OR7A17: variants seen among roughly 807,000 people sequenced by gnomAD.
The protein encoded by OR7A17 is olfactory receptor 7A17.
For synonymous variants in OR7A17, 159 were observed against 142.1 expected, an observed-to-expected ratio of 1.12 and a Z score of -0.85; for missense variants, 366 against 365.5, an observed-to-expected ratio of 1.00 and a Z score of -0.01.
At chr19:14,885,013 C>G (rs1440268201) in intron 1 of OR7A17, among the ~76,000 whole-genome samples, 1 of 152,148 alleles carries the variant, frequency 6.6e-6, no homozygotes, top group Admixed American at 6.5e-5. Context: ...TAAATAGAAC[C>G]AATGACAAAA....
chr19:14,882,813 A>G (rs1266851260), intron 1 of OR7A17, among the ~76,000 whole-genome samples: 1 of 149,410 alleles, frequency 6.7e-6, no homozygotes, highest in South Asian at 2.1e-4. Context: ...GCGCGCACGC[A>G]CACACACACA....
rs1475629748 is a variant in OR7A17, at chr19:14,881,756, A to C, written c.-197+18T>G. 6.6e-6 allele frequency: 1 copy of C among 152,560 alleles called. No individual in the cohort carries two copies. The highest frequency in any genetic ancestry group is 1.5e-5 in the Non-Finnish European group (1 of 68,310). The allele number at this position is 152,560 out of a possible 1,614,324, so 9.5% of individuals were successfully genotyped here. ...CATTGTGGATTGGCTAAATCTAGCC[A>C]ATTAACATTAGTATTACCTCATATA... is the stretch of plus-strand genomic sequence containing the variant. On this transcript the variant is annotated intron_variant, in intron 2 of 2. Coordinates refer to ENST00000641113, the MANE Select transcript of OR7A17 (RefSeq NM_030901.2).
chr19:14,881,068 G>T lies in OR7A17; in HGVS notation c.288C>A (p.Gly96=). The change falls in exon 3 of 3, where the codon GGC becomes GGA. Residue 96 remains glycine (G), a synonymous_variant. Coordinates refer to ENST00000641113, the MANE Select transcript of OR7A17 (RefSeq NM_030901.2). ...QTQSRVITYA[G]CITQMCFFVL... ...CAAAAAAGCACATCTGGGTGATGCA[G>T]CCTGCATAGGTGATGACTCTGCTCT... 6.2e-7 allele frequency: 1 copy of T among 1,614,208 alleles called. No homozygotes were observed. The highest frequency in any genetic ancestry group is 8.5e-7 in the Non-Finnish European group (1 of 1,180,040).
chr19:14,878,390 C>A lies in OR7A17; in HGVS notation c.*2036G>T, dbSNP rs1028051534. On this transcript the variant is annotated 3_prime_UTR_variant, in exon 3 of 3. Transcript: ENST00000641113. Reference sequence around the variant, plus strand: ...GAAGAGAGTTAGAGTATAAAAGAGACAAATGAACTGATGATAAGTTAAATA... The same window carrying A: ...GAAGAGAGTTAGAGTATAAAAGAGAAAAATGAACTGATGATAAGTTAAATA... 6.6e-6 allele frequency: 1 copy of A among 152,138 alleles called. No homozygotes were observed. The highest frequency in any genetic ancestry group is 2.4e-5 in the African/African-American group (1 of 41,408). 9.4% of individuals were successfully genotyped at this position (152,138 alleles called of 1,614,324 possible). A position where few individuals can be genotyped will look rare whatever the true frequency, so the allele number is the denominator to read the frequency against.
chr19:14,880,709 C>T lies in OR7A17; in HGVS notation c.647G>A (p.Cys216Tyr), dbSNP rs775652407. 1 of 1,614,212 alleles carries T rather than the reference C, an allele frequency of 6.2e-7. No individual in the cohort carries two copies. The highest frequency in any genetic ancestry group is 2.2e-5 in the East Asian group (1 of 44,884). Residue 216 changes from cysteine (C) to tyrosine (Y), a missense_variant, in exon 3 of 3, where the codon TGC becomes TAC. By Grantham distance (194) the Cys-to-Tyr change is radical. Transcript: ENST00000641113. ...GGAGGAAACTATCTTAGAGTAAGAG[C>T]AAAGGATCCCCACAAGGGGACCACC... Reference protein sequence around the residue: ...LAGGPLVGILCSYSKIVSSIR... With the variant: ...LAGGPLVGILYSYSKIVSSIR...
intron 1 of OR7A17, chr19:14,884,666 C>G (rs761666572): frequency 6.6e-6 from 1 of 152,118 alleles, no homozygotes; most frequent in African/African-American, 2.4e-5. Context: ...CAGGACCAGT[C>G]AGTTTCACAG....
intron 1 of OR7A17, among the ~76,000 whole-genome samples, chr19:14,883,399 C>G (rs544818487): frequency 1.3e-5 from 2 of 151,676 alleles, no homozygotes; most frequent in Admixed American, 1.3e-4. Context: ...GAGATTGTGC[C>G]ATTGCACTCC....
At chr19:14,883,961 A>T (rs901155689) in intron 1 of OR7A17, among the ~76,000 whole-genome samples, 4 of 152,246 alleles carry the variant, frequency 2.6e-5, no homozygotes, top group African/African-American at 9.6e-5. Flanking sequence ...GTCCTAGTAT[A>T]TATGGGTATT....
At position 14,879,078 on chromosome 19, in the gene OR7A17, T is replaced by C. The variant is rs2045093176; in HGVS notation, c.*1348A>G. ...GATGTTTTGATACAGGCATGCGTTA[T>C]ATAATAATCACATCATGGTGAATGG... On this transcript the variant is annotated 3_prime_UTR_variant, in exon 3 of 3. Transcript: ENST00000641113. 1 of 152,160 alleles carries C rather than the reference T, an allele frequency of 6.6e-6. No individual in the cohort carries two copies. Among genetic ancestry groups the C allele is most frequent in the African/African-American group, 2.4e-5 (1 of 41,434 alleles). 9.4% of individuals were successfully genotyped at this position (152,160 alleles called of 1,614,324 possible).
At chr19:14,885,674 A>G (rs1346614935) in intron 1 of OR7A17, among the ~76,000 whole-genome samples, 3 of 138,416 alleles carry the variant, frequency 2.2e-5, no homozygotes, top group Non-Finnish European at 4.8e-5. Context: ...GGAAGAATCA[A>G]TATCTTGAAA....
rs1481587783 is a variant in OR7A17, at chr19:14,878,363, T to C, written c.*2063A>G. 6.6e-6 allele frequency: 1 copy of C among 152,146 alleles called. No homozygotes were observed. Among genetic ancestry groups the C allele is most frequent in the Non-Finnish European group, 1.5e-5 (1 of 68,014 alleles). The allele number at this position is 152,146 out of a possible 1,614,324, so 9.4% of individuals were successfully genotyped here. On this transcript the variant is annotated 3_prime_UTR_variant, in exon 3 of 3. Coordinates refer to ENST00000641113, the MANE Select transcript of OR7A17 (RefSeq NM_030901.2). ...GTGAGTCATCATTTGATTATAAGGG[T>C]TGAAGAGAGTTAGAGTATAAAAGAG...
chr19:14,881,447 T>C lies in OR7A17; in HGVS notation c.-92A>G. On this transcript the variant is annotated 5_prime_UTR_variant, in exon 3 of 3. Transcript: ENST00000641113. ...TCTCACTCTGTTGCCAACGCTGGTC[T>C]GAACCTCCTGGACTCATGCGATCCT... 1.2e-6 allele frequency: 1 copy of C among 850,890 alleles called. No homozygotes were observed. The highest frequency in any genetic ancestry group is 4.9e-5 in the South Asian group (1 of 20,216). The allele number at this position is 850,890 out of a possible 1,614,324, so 52.7% of individuals were successfully genotyped here.
rs1314116980 is a variant in OR7A17, at chr19:14,886,099, A to G, written c.-453T>C. On this transcript the variant is annotated 5_prime_UTR_variant, in exon 1 of 3. Coordinates refer to ENST00000641113, the MANE Select transcript of OR7A17 (RefSeq NM_030901.2). The stretch of plus-strand genomic sequence containing the variant: ...CAGACTAAGGACTCCAAATGAAACC[A>G]CCATGTCATTTCCAGCCCAAGGTTG... 6.6e-6 allele frequency: 1 copy of G among 152,192 alleles called. No homozygotes were observed. The highest frequency in any genetic ancestry group is 1.5e-5 in the Non-Finnish European group (1 of 68,038). The allele number at this position is 152,192 out of a possible 1,614,324, so 9.4% of individuals were successfully genotyped here.
rs554229103 is a variant in OR7A17, at chr19:14,878,686, A to AT, written c.*1739dup. 0.015 allele frequency: 2,301 copies of AT among 148,528 alleles called. 51 individuals carry two copies. Among genetic ancestry groups the AT allele is most frequent in the African/African-American group, 0.051 (2,086 of 40,740 alleles). 9.2% of individuals were successfully genotyped at this position (148,528 alleles called of 1,614,324 possible). On this transcript the variant is annotated 3_prime_UTR_variant, in exon 3 of 3. Coordinates refer to ENST00000641113, the MANE Select transcript of OR7A17 (RefSeq NM_030901.2). ...CCCAATGCAATTCAATGTATGACTG[A>AT]TTTTTTTTTTTGAGATGGAGTCTCT...
chr19:14,882,704 C>T (rs535650471), intron 1 of OR7A17, among the ~76,000 whole-genome samples: 5 of 152,264 alleles, frequency 3.3e-5, no homozygotes, highest in Admixed American at 6.5e-5. Flanking sequence ...TTTTTCCCGC[C>T]GTGTCTTTGA....
At chr19:14,882,447 T>C (rs2045117009) in intron 1 of OR7A17, among the ~76,000 whole-genome samples, 1 of 152,168 alleles carries the variant, frequency 6.6e-6, no homozygotes, top group African/African-American at 2.4e-5. Context: ...GAAGGAAGGC[T>C]CAGTGGAAGA....
chr19:14,881,095 T>G lies in OR7A17; in HGVS notation c.261A>C (p.Thr87=), dbSNP rs1288767445. The G allele has an allele frequency of 1.2e-6, 2 of 1,614,176 alleles. No individual in the cohort carries two copies. The highest frequency in any genetic ancestry group is 1.7e-5 in the Admixed American group (1 of 60,016). ...TIPKMLINIQ[T]QSRVITYAGC... ...CTGCATAGGTGATGACTCTGCTCTG[T>G]GTCTGGATGTTAATGAGCATCTTTG... The change falls in exon 3 of 3, where the codon ACA becomes ACC. Residue 87 remains threonine, a synonymous_variant. Transcript: ENST00000641113.
chr19:14,880,229 A>G lies in OR7A17; in HGVS notation c.*197T>C. 3.4e-6 allele frequency: 1 copy of G among 292,416 alleles called. No individual in the cohort carries two copies. The highest frequency in any genetic ancestry group is 6.1e-6 in the Non-Finnish European group (1 of 163,956). The allele number at this position is 292,416 out of a possible 1,614,324, so 18.1% of individuals were successfully genotyped here. A position where few individuals can be genotyped will look rare whatever the true frequency, so the allele number is the denominator to read the frequency against. On this transcript the variant is annotated 3_prime_UTR_variant, in exon 3 of 3. Coordinates refer to ENST00000641113, the MANE Select transcript of OR7A17 (RefSeq NM_030901.2). ...AATGACAAAAAAAAAAAAAAAAAAA[A>G]GATTGGATATCAGAGAGCGGAAAGC...
intron 1 of OR7A17, among the ~76,000 whole-genome samples, chr19:14,883,101 T>C (rs2045120223): frequency 6.6e-6 from 1 of 152,244 alleles, no homozygotes; most frequent in Non-Finnish European, 1.5e-5. Context: ...GCACTAGTTC[T>C]GGTTCTGGTC....
Sources: allele counts gnomAD v4.1 joint callset (sites outside exome capture counted in the v4.1 genomes callset), GRCh38; gene constraint gnomAD v4.1.1; transcripts MANE v1.5; gene names NCBI Gene and HGNC (gene_info 2026-07-23, HGNC 2026-07-21).